Variants in MDGA2 observed in about 807,000 individuals in gnomAD.
MDGA2 encodes the protein MAM domain-containing glycosylphosphatidylinositol anchor protein 2.
Under a neutral mutation model 117.8 loss-of-function variants are expected in MDGA2, and 40 were observed. That is an observed-to-expected ratio of 0.34 (90% CI 0.26 to 0.44). The LOEUF (loss-of-function observed/expected upper bound fraction) is 0.44, where lower values mean the gene tolerates loss of function less well. Ranked by LOEUF, MDGA2 falls within the 20% of genes least tolerant of loss-of-function variation. The pLI is 1.00. For missense variants in MDGA2, 1,123 were observed against 1,250.6 expected, an observed-to-expected ratio of 0.90 and a Z score of 1.54; for synonymous variants, 452 against 439.0, an observed-to-expected ratio of 1.03 and a Z score of -0.37.
At chr14:46,981,645 A>G (rs1265596042) in intron 8 of MDGA2, among the ~76,000 whole-genome samples, 1 of 152,214 alleles carries the variant, frequency 6.6e-6, no homozygotes, top group Non-Finnish European at 1.5e-5. Flanking sequence ...ATAGAGTTCC[A>G]GTACTGTAAG....
chr14:47,103,095 T>TA (rs1191139821), intron 5 of MDGA2, among the ~76,000 whole-genome samples: 2 of 152,096 alleles, frequency 1.3e-5, no homozygotes, highest in Non-Finnish European at 2.9e-5. Flanking sequence ...AGAGACGAGG[T>TA]AAAAATACAC....
intron 1 of MDGA2, among the ~76,000 whole-genome samples, chr14:47,608,270 C>T (rs1353678713): frequency 1.3e-5 from 2 of 152,100 alleles, no homozygotes; most frequent in Admixed American, 6.6e-5. Flanking sequence ...AAGACTTTTC[C>T]ACTTTTTTCT....
chr14:47,020,641 A>T (rs1282004724), intron 8 of MDGA2, among the ~76,000 whole-genome samples: 1 of 152,182 alleles, frequency 6.6e-6, no homozygotes, highest in Non-Finnish European at 1.5e-5. Context: ...AGCCTAAGAA[A>T]ATAATCATAT....
rs144642226 is a variant in MDGA2, at chr14:46,910,512, A to G, written c.2238+9500T>C. Among the ~76,000 whole-genome samples the G allele has an allele frequency of 2.5e-4, 38 of 152,260 alleles. No homozygotes were observed. In the East Asian group the frequency reaches 7.3e-3, roughly 29 times the overall value. On this transcript the variant is annotated intron_variant, in intron 10 of 16. Coordinates refer to ENST00000399232, the MANE Select transcript of MDGA2 (RefSeq NM_001113498.3). ...AATAATAAGAGCCATCTATGACAAAACCACAGCCAACATCACACTGAATGG... is the reference window on the plus strand; with the variant it reads ...AATAATAAGAGCCATCTATGACAAAGCCACAGCCAACATCACACTGAATGG...
intron 1 of MDGA2, among the ~76,000 whole-genome samples, chr14:47,521,320 T>A (rs1454167418): frequency 6.6e-6 from 1 of 152,208 alleles, no homozygotes; most frequent in Non-Finnish European, 1.5e-5. Flanking sequence ...GTTCCCTGAC[T>A]CATCATTCAT....
intron 1 of MDGA2, among the ~76,000 whole-genome samples, chr14:47,412,145 C>T (rs1892386618): frequency 1.3e-5 from 2 of 151,974 alleles, no homozygotes; most frequent in South Asian, 2.1e-4. Context: ...AAATGTCTGT[C>T]GATCTTCATG....
intron 5 of MDGA2, among the ~76,000 whole-genome samples, chr14:47,115,548 T>A (rs1256583139): frequency 2.0e-5 from 3 of 151,880 alleles, no homozygotes; most frequent in African/African-American, 7.2e-5. Flanking sequence ...GCCTTCCACA[T>A]GGTTAATTAA....
intron 10 of MDGA2, among the ~76,000 whole-genome samples, chr14:46,889,690 G>A (rs900044974): frequency 4.6e-5 from 7 of 151,934 alleles, no homozygotes; most frequent in African/African-American, 1.4e-4. Context: ...CTTTTGAAGC[G>A]GTGTGGGATT....
chr14:46,853,468 T>C (rs1475937287), intron 15 of MDGA2, among the ~76,000 whole-genome samples: 4 of 151,732 alleles, frequency 2.6e-5, no homozygotes, highest in Admixed American at 2.0e-4. Context: ...CACATCACAA[T>C]ACAGTTTATA....
intron 1 of MDGA2, among the ~76,000 whole-genome samples, chr14:47,562,785 C>T (rs551785408): frequency 6.6e-6 from 1 of 152,060 alleles, no homozygotes; most frequent in African/African-American, 2.4e-5. Context: ...GGTTGGTTTG[C>T]TCTTGTTTCT....
chr14:47,630,823 T>C (rs1897240645), intron 1 of MDGA2, among the ~76,000 whole-genome samples: 1 of 152,206 alleles, frequency 6.6e-6, no homozygotes. Flanking sequence ...TTCTTTTCTA[T>C]CTGGATACAA....
At chr14:47,155,348 G>A (rs1481749659) in intron 3 of MDGA2, among the ~76,000 whole-genome samples, 1 of 151,938 alleles carries the variant, frequency 6.6e-6, no homozygotes, top group African/African-American at 2.4e-5. Flanking sequence ...TTGCCACATT[G>A]CGGATGATGA....
intron 1 of MDGA2, among the ~76,000 whole-genome samples, chr14:47,639,629 T>C (rs1897386222): frequency 6.6e-6 from 1 of 152,176 alleles, no homozygotes; most frequent in African/African-American, 2.4e-5. Context: ...AATGCTATTT[T>C]TATTCTTCTT....
At chr14:47,070,768 G>C (rs1165926290) in intron 6 of MDGA2, among the ~76,000 whole-genome samples, 1 of 152,188 alleles carries the variant, frequency 6.6e-6, no homozygotes, top group Admixed American at 6.5e-5. Flanking sequence ...ATCAAGCCTA[G>C]CTAATTTTTG....
chr14:46,891,696 G>A lies in MDGA2; in HGVS notation c.2239-9475C>T, dbSNP rs141747457. On this transcript the variant is annotated intron_variant, in intron 10 of 16. Transcript: ENST00000399232. The stretch of plus-strand genomic sequence containing the variant: ...ATTTCGATACATTAAATAATTTTTT[G>A]TTTTAGTTTCTAAAAGAATAGGTTA... 5.3e-3 allele frequency among the ~76,000 whole-genome samples: 800 copies of A among 151,434 alleles called. 3 individuals carry two copies. The highest frequency in any genetic ancestry group is 8.0e-3 in the Non-Finnish European group (539 of 67,692).
intron 8 of MDGA2, among the ~76,000 whole-genome samples, chr14:47,015,076 C>G (rs1411973500): frequency 6.6e-6 from 1 of 151,790 alleles, no homozygotes; most frequent in Non-Finnish European, 1.5e-5. Flanking sequence ...TAGGGAGACC[C>G]AAGGAGGAGA....
chr14:47,312,698 G>GTTTTT (rs10688219), intron 1 of MDGA2, among the ~76,000 whole-genome samples: 2 of 133,716 alleles, frequency 1.5e-5, no homozygotes, highest in East Asian at 2.3e-4. Context: ...GTTTTGTTTT[G>GTTTTT]TTTTTTTTTT....
intron 1 of MDGA2, among the ~76,000 whole-genome samples, chr14:47,504,443 A>G (rs78120871): frequency 0.018 from 2,768 of 152,248 alleles, 38 homozygotes; most frequent in Admixed American, 0.035. Context: ...ATTATAGTGA[A>G]TTATATTGTA....
intron 8 of MDGA2, among the ~76,000 whole-genome samples, chr14:47,009,834 C>T (rs926208156): frequency 1.3e-5 from 2 of 152,044 alleles, no homozygotes; most frequent in Non-Finnish European, 2.9e-5. Context: ...ACACCCCTTG[C>T]GTCCGAGCTG....
Sources: allele counts gnomAD v4.1 joint callset (sites outside exome capture counted in the v4.1 genomes callset), GRCh38; gene constraint gnomAD v4.1.1; transcripts MANE v1.5; gene names NCBI Gene and HGNC (gene_info 2026-07-23, HGNC 2026-07-21).